EIF3D: variants seen among roughly 807,000 people sequenced by gnomAD.
The protein encoded by EIF3D is eukaryotic translation initiation factor 3 subunit D.
A neutral mutation model predicts 75.4 loss-of-function variants in EIF3D; 10 were observed. The ratio of observed to expected loss-of-function variants is 0.13; its 90% CI spans 0.08 to 0.22. The LOEUF (loss-of-function observed/expected upper bound fraction) is 0.22, where lower values mean the gene tolerates loss of function less well. EIF3D is among the 10% of genes least tolerant of loss of function. The probability of loss-of-function intolerance (pLI) is 1.00; values close to 1 mark genes in which losing one functional copy is unlikely to be tolerated. For synonymous variants in EIF3D, 246 were observed against 248.3 expected (o/e 0.99, Z 0.09); for missense variants, 394 against 708.0 (o/e 0.56, Z 5.03).
intron 7 of EIF3D, 109 bp downstream of exon 7, chr22:36,520,467 A>C: frequency 4.2e-6 from 3 of 709,240 alleles, no homozygotes; most frequent in African/African-American, 1.8e-5. Flanking sequence ...TGTTTTGAGT[A>C]AGTGGCTTCA....
At chr22:36,525,742 A>G (rs1163574088) in intron 2 of EIF3D, 33 bp from the exon 3 acceptor site, 1 of 1,600,448 alleles carries the variant, frequency 6.2e-7, no homozygotes, top group African/African-American at 1.4e-5. Context: ...GAGAATGCAC[A>G]GGTCAACCAG....
Position 36,511,088 on chromosome 22 carries a change from G to GT in EIF3D, c.1634-89dup, listed in dbSNP as rs973287538. The GT allele has an allele frequency of 7.6e-5, 113 of 1,490,362 alleles. No homozygotes were observed. In the African/African-American group the frequency reaches 1.4e-3, roughly 19 times the overall value. The allele number at this position is 1,490,362 out of a possible 1,614,324, so 92.3% of individuals were successfully genotyped here. On this transcript the variant is annotated intron_variant, in intron 14 of 14. Coordinates refer to ENST00000216190, the MANE Select transcript of EIF3D (RefSeq NM_003753.4). ...TTTCTGAACCTCTGCTGGACTGTGC[G>GT]TGAGTTTTCAACACTTCCATTCCGA... is the stretch of plus-strand genomic sequence containing the variant.
intron 12 of EIF3D, among the ~76,000 whole-genome samples, chr22:36,515,790 C>T (rs16996833): frequency 9.6e-4 from 145 of 151,542 alleles, no homozygotes; most frequent in Middle Eastern, 3.4e-3. Context: ...ACAGGCACGA[C>T]GGCCCTGAAT....
intron 8 of EIF3D, 83 bp downstream of exon 8, chr22:36,519,322 G>A: frequency 1.9e-6 from 3 of 1,572,892 alleles, no homozygotes; most frequent in Admixed American, 1.7e-5. Context: ...TTATTCCCAT[G>A]TCTTCTGTTC....
rs549912389 is a variant in EIF3D, at chr22:36,524,617, C to A, written c.285G>T (p.Arg95=). ...TARTQKTAYQ[R]NRMRFAQRNL... ...CTACCTGGGCAAATCTCATTCGATT[C>A]CGCTGGTAGGCCGTCTTCTGTGTGC... The change falls in exon 4 of 15, where the codon CGG becomes CGT. Residue 95 remains arginine, a synonymous_variant. Transcript: ENST00000216190. 1.2e-6 allele frequency: 2 copies of A among 1,614,208 alleles called. No homozygotes were observed. Among genetic ancestry groups the A allele is most frequent in the South Asian group, 2.2e-5 (2 of 91,086 alleles).
intron 12 of EIF3D, among the ~76,000 whole-genome samples, chr22:36,515,900 G>A (rs1037392608): frequency 2.7e-5 from 4 of 149,824 alleles, no homozygotes; most frequent in Non-Finnish European, 5.9e-5. Flanking sequence ...TGGGCGGGGG[G>A]GCGGATTGGG....
chr22:36,514,122 G>A (rs4331612), intron 12 of EIF3D, among the ~76,000 whole-genome samples: 15,586 of 152,170 alleles, frequency 0.1, 1,631 homozygotes, highest in African/African-American at 0.27. Context: ...TGGAGATGTT[G>A]GAGGCTCAGA....
chr22:36,520,472 G>A (rs1342485618), intron 7 of EIF3D, 104 bp downstream of exon 7: 2 of 755,120 alleles, frequency 2.6e-6, no homozygotes, highest in African/African-American at 3.6e-5. Context: ...TGAGTAAGTG[G>A]CTTCAAAGCC....
chr22:36,519,089 C>T (rs1356156922), intron 8 of EIF3D, among the ~76,000 whole-genome samples, 179 bp from the exon 9 acceptor site: 1 of 152,248 alleles, frequency 6.6e-6, no homozygotes, highest in Admixed American at 6.5e-5. Context: ...AGTGGCACTG[C>T]AGCACCCTAA....
chr22:36,525,949 AGT>A, intron 2 of EIF3D, 48 bp downstream of exon 2: 3 of 1,562,026 alleles, frequency 1.9e-6, no homozygotes, highest in Non-Finnish European at 2.6e-6. Context: ...GGGACTCGAG[AGT>A]AGCAGCCACA....
chr22:36,519,179 G>C (rs1603498888), intron 8 of EIF3D, among the ~76,000 whole-genome samples: 1 of 152,208 alleles, frequency 6.6e-6, no homozygotes, highest in East Asian at 1.9e-4. Context: ...TCTACCCCTT[G>C]TTGCAGATGA....
chr22:36,520,386 GACCTCAGGTGACCCACTGC>G (rs1238830282), intron 7 of EIF3D, among the ~76,000 whole-genome samples, 171 bp downstream of exon 7: 2 of 152,124 alleles, frequency 1.3e-5, no homozygotes, highest in African/African-American at 4.8e-5. Flanking sequence ...TTGAACTCCT[GACCTCAGGTGACCCACTGC>G]ACCTGGCCGG....
At position 36,512,431 on chromosome 22, in the gene EIF3D, A is replaced by C. The variant is rs369476789; in HGVS notation, c.1349+29T>G. 74 of 1,612,688 alleles carry C rather than the reference A, an allele frequency of 4.6e-5. No homozygotes were observed. The African/African-American group carries it at 7.5e-4, about 16-fold the overall frequency. On this transcript the variant is annotated intron_variant, in intron 13 of 14. Transcript: ENST00000216190. ...CCCAGACCCTTCCTTTCACAAGATC[A>C]GCTGCCAGCTCCTGCACAGGAATCT...
rs1934344641 is a variant in EIF3D at position 36,511,900 on chromosome 22, T to TTC, written c.1350-115_1350-114insGA. On this transcript the variant is annotated intron_variant, in intron 13 of 14. Coordinates refer to ENST00000216190, the MANE Select transcript of EIF3D (RefSeq NM_003753.4). ...TGGTCCACTGCTATTTTTTCTTTTT[T>TTC]TTTTTTTTGAGACGGAGTCTGGCTC... 8 of 1,435,718 alleles carry TTC rather than the reference T, an allele frequency of 5.6e-6. No individual in the cohort carries two copies. The East Asian group carries it at 1.5e-4, about 27-fold the overall frequency. The allele number at this position is 1,435,718 out of a possible 1,614,324, so 88.9% of individuals were successfully genotyped here. A position where few individuals can be genotyped will look rare whatever the true frequency, so the allele number is the denominator to read the frequency against.
At chr22:36,527,567 G>A (rs946669369) in intron 1 of EIF3D, among the ~76,000 whole-genome samples, 6 of 152,226 alleles carry the variant, frequency 3.9e-5, no homozygotes, top group Non-Finnish European at 8.8e-5. Flanking sequence ...GAGGCCGGGC[G>A]CGGTGGCTCA....
chr22:36,512,692 C>G, intron 12 of EIF3D, 90 bp from the exon 13 acceptor site: 1 of 1,470,216 alleles, frequency 6.8e-7, no homozygotes, highest in Non-Finnish European at 9.1e-7. Context: ...ACTCCCTAGT[C>G]TGCTTGCTTA....
chr22:36,526,613 CTT>C (rs542035473), intron 1 of EIF3D, among the ~76,000 whole-genome samples: 4 of 145,704 alleles, frequency 2.7e-5, no homozygotes, highest in Admixed American at 6.9e-5. Flanking sequence ...TTCTTTCTTT[CTT>C]TTTTTTTTTT....
intron 9 of EIF3D, among the ~76,000 whole-genome samples, chr22:36,517,825 G>A (rs1180093688): frequency 1.3e-5 from 2 of 151,964 alleles, no homozygotes; most frequent in African/African-American, 4.8e-5. Flanking sequence ...ACGGCTCACT[G>A]CAACCTCTGC....
intron 14 of EIF3D, 181 bp from the exon 15 acceptor site, chr22:36,511,181 G>A (rs1934327964): frequency 1.2e-6 from 1 of 858,374 alleles, no homozygotes; most frequent in Non-Finnish European, 1.7e-6. Context: ...GGTGGAGCAG[G>A]AGAGACAACT....
Sources: gnomAD v4.1 joint callset for allele counts (sites outside exome capture counted in the v4.1 genomes callset) on GRCh38, gnomAD v4.1.1 for gene constraint, MANE v1.5 for transcripts, NCBI Gene and HGNC (gene_info 2026-07-23, HGNC 2026-07-21) for gene names.